The following AUTS2 variants were observed in gnomAD, a reference collection of about 807,000 sequenced individuals.
AUTS2 encodes the protein autism susceptibility gene 2 protein.
AUTS2 carries 17 observed loss-of-function variants against 112.4 expected under a neutral mutation model. The ratio of observed to expected loss-of-function variants is 0.15; its 90% CI spans 0.10 to 0.23. The LOEUF (loss-of-function observed/expected upper bound fraction) is 0.23. AUTS2 is among the 10% of genes least tolerant of loss of function. The probability of loss-of-function intolerance (pLI) is 1.00; values close to 1 mark genes in which losing one functional copy is unlikely to be tolerated. For missense variants in AUTS2, 1,510 were observed against 1,701.6 expected (o/e 0.89, Z 1.98); for synonymous variants, 751 against 702.7 (o/e 1.07, Z -1.09).
In AUTS2 at chr7:70,789,869, C is replaced by T. The variant is rs199657836; in HGVS notation, c.2653C>T (p.Arg885Trp). ...QIRAHLNTEA[R>W]EKDKPKERER... ...CCGGGCTCATCTGAACACTGAGGCT[C>T]GGGAGAAGGACAAACCCAAAGAGAG... Residue 885 changes from arginine (R) to tryptophan (W), a missense_variant, in exon 19 of 19, where the codon CGG becomes TGG. Arg to Trp is a moderately radical substitution (Grantham distance 101). Coordinates refer to ENST00000342771, the MANE Select transcript of AUTS2 (RefSeq NM_015570.4). 11 of 1,614,110 alleles carry T rather than the reference C, an allele frequency of 6.8e-6. No individual in the cohort carries two copies. The highest frequency in any genetic ancestry group is 1.3e-5 in the African/African-American group (1 of 75,038).
At chr7:70,477,380 G>A (rs1279666952) in intron 5 of AUTS2, among the ~76,000 whole-genome samples, 1 of 152,148 alleles carries the variant, frequency 6.6e-6, no homozygotes, top group African/African-American at 2.4e-5. Context: ...AGAAACAACA[G>A]GTTCTATGAA....
At chr7:69,813,202 ATTG>A (rs1236214498) in intron 1 of AUTS2, among the ~76,000 whole-genome samples, 1 of 152,046 alleles carries the variant, frequency 6.6e-6, no homozygotes, top group East Asian at 1.9e-4. Context: ...TCTTTGCATT[ATTG>A]TTCTCTTAGC....
chr7:70,246,186 A>G (rs1812912992), intron 4 of AUTS2, among the ~76,000 whole-genome samples: 1 of 152,118 alleles, frequency 6.6e-6, no homozygotes, highest in African/African-American at 2.4e-5. Flanking sequence ...CTTGTGATAA[A>G]AAGTTCTTAA....
In AUTS2 at chr7:69,889,148, C is replaced by T. The variant is rs146225198; in HGVS notation, c.310-10138C>T. Among the ~76,000 whole-genome samples, 9 of 152,254 alleles carry T rather than the reference C, an allele frequency of 5.9e-5. No individual in the cohort carries two copies. In the East Asian group the frequency reaches 1.7e-3, roughly 29 times the overall value. On this transcript the variant is annotated intron_variant, in intron 1 of 18. Coordinates refer to ENST00000342771, the MANE Select transcript of AUTS2 (RefSeq NM_015570.4). ...CTCCTGGGCTCAAGCAGTTGTCTAG[C>T]CTCAGTCTCCCAAGTAGCTGGGACT...
intron 6 of AUTS2, among the ~76,000 whole-genome samples, chr7:70,709,608 G>C (rs1017199822): frequency 6.6e-6 from 1 of 152,186 alleles, no homozygotes; most frequent in Non-Finnish European, 1.5e-5. Context: ...GTGCTCGGGA[G>C]ACTGAGGCAC....
chr7:69,693,926 G>T (rs1246773482), intron 1 of AUTS2, among the ~76,000 whole-genome samples: 1 of 152,180 alleles, frequency 6.6e-6, no homozygotes, highest in Non-Finnish European at 1.5e-5. Flanking sequence ...TGTGTAGGGT[G>T]ATTCTAATGC....
chr7:70,565,666 C>T (rs942929890), intron 5 of AUTS2, among the ~76,000 whole-genome samples: 2 of 152,140 alleles, frequency 1.3e-5, no homozygotes, highest in African/African-American at 2.4e-5. Flanking sequence ...GGTGATAGAG[C>T]GAGACACTGT....
At chr7:70,737,093 C>T (rs1326671617) in intron 6 of AUTS2, among the ~76,000 whole-genome samples, 2 of 152,212 alleles carry the variant, frequency 1.3e-5, no homozygotes, top group African/African-American at 4.8e-5. Context: ...TTTCCTTTTA[C>T]TTCTTTAATG....
At chr7:69,875,554 G>T (rs1336910599) in intron 1 of AUTS2, among the ~76,000 whole-genome samples, 1 of 152,126 alleles carries the variant, frequency 6.6e-6, no homozygotes, top group Non-Finnish European at 1.5e-5. Context: ...TTCCATTTTT[G>T]TGTAGAGCCT....
intron 4 of AUTS2, among the ~76,000 whole-genome samples, chr7:70,351,771 G>A (rs920562831): frequency 3.7e-5 from 5 of 136,338 alleles, no homozygotes; most frequent in Admixed American, 7.2e-5. Flanking sequence ...GTGTGATCTC[G>A]GCTTACTGCA....
chr7:70,191,061 ATAT>A (rs1195738689), intron 4 of AUTS2, among the ~76,000 whole-genome samples: 1 of 152,036 alleles, frequency 6.6e-6, no homozygotes, highest in Non-Finnish European at 1.5e-5. Context: ...ATTTAAGTAA[ATAT>A]TATTGAAGCC....
chr7:70,364,614 T>TA (rs1216912856), intron 4 of AUTS2, among the ~76,000 whole-genome samples: 1 of 142,528 alleles, frequency 7.0e-6, no homozygotes, highest in Non-Finnish European at 1.5e-5. Flanking sequence ...AATAAATAAA[T>TA]AAAAATTAAA....
chr7:69,758,413 T>C (rs2129281546), intron 1 of AUTS2, among the ~76,000 whole-genome samples: 1 of 152,318 alleles, frequency 6.6e-6, no homozygotes, highest in Non-Finnish European at 1.5e-5. Flanking sequence ...TTAGTTGTTA[T>C]TAAGTGAATC....
chr7:70,352,715 T>C (rs898018367), intron 4 of AUTS2, among the ~76,000 whole-genome samples: 4 of 151,872 alleles, frequency 2.6e-5, no homozygotes, highest in Non-Finnish European at 4.4e-5. Flanking sequence ...TAAGCACAGG[T>C]GTGATAAATG....
chr7:69,666,793 T>C (rs1474907934), intron 1 of AUTS2, among the ~76,000 whole-genome samples: 1 of 151,996 alleles, frequency 6.6e-6, no homozygotes, highest in Non-Finnish European at 1.5e-5. Flanking sequence ...TCATAGCTAG[T>C]CGGGAGGCTG....
intron 5 of AUTS2, among the ~76,000 whole-genome samples, chr7:70,613,998 G>A (rs1174958767): frequency 1.3e-5 from 2 of 152,360 alleles, no homozygotes; most frequent in Admixed American, 1.3e-4. Context: ...ATGAAGGCTA[G>A]GGTAGTTAGT....
chr7:69,765,834 G>C (rs1191459428), intron 1 of AUTS2, among the ~76,000 whole-genome samples: 1 of 152,048 alleles, frequency 6.6e-6, no homozygotes, highest in Non-Finnish European at 1.5e-5. Context: ...GTAGTCCCAG[G>C]TACTTTCGGG....
chr7:70,396,004 G>A (rs1035318233), intron 4 of AUTS2, among the ~76,000 whole-genome samples: 2 of 152,124 alleles, frequency 1.3e-5, no homozygotes, highest in African/African-American at 4.8e-5. Flanking sequence ...AAGTCATAAA[G>A]AAGAAAATAT....
chr7:70,651,495 C>T (rs1806503846), intron 5 of AUTS2, among the ~76,000 whole-genome samples: 1 of 152,134 alleles, frequency 6.6e-6, no homozygotes, highest in African/African-American at 2.4e-5. Flanking sequence ...GTAGCTTAGC[C>T]CAGCCCCCCT....
Sources: allele counts gnomAD v4.1 joint callset (sites outside exome capture counted in the v4.1 genomes callset), GRCh38; gene constraint gnomAD v4.1.1; transcripts MANE v1.5; gene names NCBI Gene and HGNC (gene_info 2026-07-23, HGNC 2026-07-21).